Variants in EIF5B observed in about 807,000 individuals in gnomAD.
EIF5B encodes the protein eIF-5B.
A neutral mutation model predicts 147.5 loss-of-function variants in EIF5B; 47 were observed. That is an observed-to-expected ratio of 0.32 (90% CI 0.25 to 0.41). The LOEUF is 0.41. EIF5B is among the 10% of genes least tolerant of loss of function. EIF5B has a pLI of 1.00. For synonymous variants in EIF5B, 455 were observed against 456.2 expected, an observed-to-expected ratio of 1.00 and a Z score of 0.03; for missense variants, 1,064 against 1,413.2, an observed-to-expected ratio of 0.75 and a Z score of 3.96.
At chr2:99,382,247 T>A in intron 13 of EIF5B, 21 bp downstream of exon 13, 1 of 1,605,720 alleles carries the variant, frequency 6.2e-7, no homozygotes, top group South Asian at 1.1e-5. Flanking sequence ...TTTGAGTCTT[T>A]TCTCATCAAG....
At position 99,337,414 on chromosome 2, in the gene EIF5B, C is replaced by A. The variant is rs1483407429; in HGVS notation, c.-141C>A. The A allele has an allele frequency of 2.9e-6, 3 of 1,019,924 alleles. No homozygotes were observed. The highest frequency in any genetic ancestry group is 3.0e-6 in the Non-Finnish European group (2 of 666,242). 63.2% of individuals were successfully genotyped at this position (1,019,924 alleles called of 1,614,324 possible). A position where few individuals can be genotyped will look rare whatever the true frequency, so the allele number is the denominator to read the frequency against. Reference sequence around the variant, plus strand: ...ACACCATATGTGTCCTGTTCCAGTGCGCGGGTCTGTGGAGAGCCGGGTGCG... The same window carrying A: ...ACACCATATGTGTCCTGTTCCAGTGAGCGGGTCTGTGGAGAGCCGGGTGCG... On this transcript the variant is annotated 5_prime_UTR_variant, in exon 1 of 24. Transcript: ENST00000289371.
Position 99,339,006 on chromosome 2 carries a change from A to AAATATATATATATATATACAT in EIF5B, c.35+1417_35+1418insAATATATATATATATATACAT, listed in dbSNP as rs1559240279. Among the ~76,000 whole-genome samples, 320 of 137,168 alleles carry AAATATATATATATATATACAT rather than the reference A, an allele frequency of 2.3e-3. 3 individuals carry two copies. The highest frequency in any genetic ancestry group is 3.8e-3 in the Middle Eastern group (1 of 262). The allele number at this position is 137,168 out of a possible 152,430, so 90.0% of individuals were successfully genotyped here. ...AATATATACACAAATATATATATACATTTTTTTTTTTTTTTTGAGACGGAG... is the reference window on the plus strand; with the variant it reads ...AATATATACACAAATATATATATACAAATATATATATATATATACATTTTTTTTTTTTTTTTTGAGACGGAG... On this transcript the variant is annotated intron_variant, in intron 1 of 23. Coordinates refer to ENST00000289371, the MANE Select transcript of EIF5B (RefSeq NM_015904.4).
rs1290260824 is a variant in EIF5B at position 99,338,920 on chromosome 2, G to GTATATATATATATATA, written c.35+1332_35+1333insATATATATATATATAT. Among the ~76,000 whole-genome samples, 4 of 42,868 alleles carry GTATATATATATATATA rather than the reference G, an allele frequency of 9.3e-5. No homozygotes were observed. In the Admixed American group the frequency reaches 1.9e-3, roughly 20 times the overall value. The allele number at this position is 42,868 out of a possible 152,430, so 28.1% of individuals were successfully genotyped here. On this transcript the variant is annotated intron_variant, in intron 1 of 23. Coordinates refer to ENST00000289371, the MANE Select transcript of EIF5B (RefSeq NM_015904.4). ...GTTTCATCCCACCTACTAGAAGTGT[G>GTATATATATATATATA]TGTATATATATATATATACAAATAT...
At position 99,361,606 on chromosome 2, in the gene EIF5B, G is replaced by C; in HGVS notation, c.705G>C (p.Lys235Asn). Reference sequence around the variant, plus strand: ...CAGTGGCCCAAAAGAAGGCAGAAAAGAAGGAGCGCGAGAGAAAAAAGCGAG... The same window carrying C: ...CAGTGGCCCAAAAGAAGGCAGAAAACAAGGAGCGCGAGAGAAAAAAGCGAG... ...IKTVAQKKAE[K>N]KERERKKRDE... The change falls in exon 4 of 24, where the codon AAG becomes AAC. Residue 235 changes from lysine to asparagine, a missense_variant. Lys to Asn is a moderately conservative substitution (Grantham distance 94). Coordinates refer to ENST00000289371, the MANE Select transcript of EIF5B (RefSeq NM_015904.4). 1.3e-6 allele frequency: 2 copies of C among 1,599,398 alleles called. No individual in the cohort carries two copies. The highest frequency in any genetic ancestry group is 1.7e-6 in the Non-Finnish European group (2 of 1,176,626).
intron 16 of EIF5B, 66 bp from the exon 17 acceptor site, chr2:99,390,478 A>T: frequency 1.3e-6 from 2 of 1,581,338 alleles, no homozygotes; most frequent in South Asian, 1.2e-5. Context: ...GATATTTACT[A>T]CTTTTAGATT....
chr2:99,384,885 G>A (rs575644385), intron 14 of EIF5B, among the ~76,000 whole-genome samples: 5 of 152,140 alleles, frequency 3.3e-5, no homozygotes, highest in Non-Finnish European at 7.3e-5. Context: ...GTCTCCTTCT[G>A]GTGAGGGTAT....
chr2:99,384,862 T>A (rs1235795672), intron 14 of EIF5B, among the ~76,000 whole-genome samples: 3 of 152,204 alleles, frequency 2.0e-5, no homozygotes, highest in African/African-American at 7.2e-5. Flanking sequence ...AGAAAGTGGT[T>A]TCTTGAGGTG....
At chr2:99,383,259 T>C (rs1173942146) in intron 14 of EIF5B, among the ~76,000 whole-genome samples, 4 of 152,300 alleles carry the variant, frequency 2.6e-5, no homozygotes, top group Non-Finnish European at 2.9e-5. Context: ...GGATAAATGA[T>C]CTTTGTTATT....
Position 99,379,024 on chromosome 2 carries a change from G to A in EIF5B, c.1848G>A (p.Arg616=). The change falls in exon 11 of 24, where the codon CGG becomes CGA. Residue 616 remains arginine (R), a synonymous_variant. Transcript: ENST00000289371. ...TTTTTTTTTTTTATTTCTAGAAACG[G>A]CGACTTGAACATAGTAAAAATGTAA... ...YDKAKRRIEK[R]RLEHSKNVNT... is the part of the protein sequence containing the mutation. 1 of 1,513,236 alleles carries A rather than the reference G, an allele frequency of 6.6e-7. No homozygotes were observed. The highest frequency in any genetic ancestry group is 8.8e-7 in the Non-Finnish European group (1 of 1,134,152). The allele number at this position is 1,513,236 out of a possible 1,614,324, so 93.7% of individuals were successfully genotyped here.
intron 22 of EIF5B, 74 bp from the exon 23 acceptor site, chr2:99,398,674 C>T: frequency 2.1e-6 from 3 of 1,452,566 alleles, no homozygotes; most frequent in South Asian, 2.7e-5. Context: ...GTTCTTACTT[C>T]AGCTATCCAG....
intron 10 of EIF5B, among the ~76,000 whole-genome samples, chr2:99,378,615 A>G (rs942543887): frequency 3.3e-5 from 5 of 152,216 alleles, no homozygotes; most frequent in African/African-American, 1.2e-4. Flanking sequence ...AATTTTTTAA[A>G]ATGTACAAGT....
At chr2:99,360,165 A>G (rs1674178278) in intron 1 of EIF5B, 71 bp from the exon 2 acceptor site, 1 of 1,511,994 alleles carries the variant, frequency 6.6e-7, no homozygotes, top group Non-Finnish European at 8.8e-7. Context: ...GGTTAAAATG[A>G]TAAAATCTAT....
chr2:99,396,413 G>C (rs1041913341), intron 21 of EIF5B, among the ~76,000 whole-genome samples: 1 of 152,164 alleles, frequency 6.6e-6, no homozygotes, highest in Non-Finnish European at 1.5e-5. Context: ...TACTGCCTAG[G>C]TTCTAAGCCC....
At chr2:99,351,883 A>G (rs1055681401) in intron 1 of EIF5B, among the ~76,000 whole-genome samples, 6 of 151,738 alleles carry the variant, frequency 4.0e-5, no homozygotes, top group Non-Finnish European at 8.8e-5. Context: ...TATTTTTAGT[A>G]GGGACGGGAT....
chr2:99,401,238 T>C lies in EIF5B; in HGVS notation c.*1824T>C. 6.3e-7 allele frequency: 1 copy of C among 1,580,260 alleles called. No individual in the cohort carries two copies. Among genetic ancestry groups the C allele is most frequent in the Non-Finnish European group, 8.7e-7 (1 of 1,149,524 alleles). On this transcript the variant is annotated 3_prime_UTR_variant, in exon 24 of 24. Coordinates refer to ENST00000289371, the MANE Select transcript of EIF5B (RefSeq NM_015904.4). ...CAGAGAGCATCAGGCTCTCTGGTAA[T>C]ATTTATGTAACTTTTAATGTGCTTC...
chr2:99,390,831 C>G lies in EIF5B; in HGVS notation c.2748+126C>G, dbSNP rs572615906. On this transcript the variant is annotated intron_variant, in intron 17 of 23. Transcript: ENST00000289371. Reference sequence around the variant, plus strand: ...AGAACACATACATCCCTCGCTCTCCCTTTTATTTTAGTTGTCATCATACAG... The same window carrying G: ...AGAACACATACATCCCTCGCTCTCCGTTTTATTTTAGTTGTCATCATACAG... 6.7e-6 allele frequency: 7 copies of G among 1,049,478 alleles called. No homozygotes were observed. In the African/African-American group the frequency reaches 7.9e-5, roughly 12 times the overall value. The allele number at this position is 1,049,478 out of a possible 1,614,324, so 65.0% of individuals were successfully genotyped here.
At chr2:99,353,511 G>A (rs759774694) in intron 1 of EIF5B, among the ~76,000 whole-genome samples, 6 of 152,188 alleles carry the variant, frequency 3.9e-5, no homozygotes, top group Non-Finnish European at 7.3e-5. Context: ...CAGGTTTGCC[G>A]AGTTTCATTT....
At chr2:99,384,006 G>C (rs761863418) in intron 14 of EIF5B, among the ~76,000 whole-genome samples, 1 of 151,830 alleles carries the variant, frequency 6.6e-6, no homozygotes, top group Non-Finnish European at 1.5e-5. Flanking sequence ...TCAGGAGATC[G>C]AGACCAAGGT....
chr2:99,397,006 G>A, intron 22 of EIF5B, 108 bp downstream of exon 22: 1 of 1,237,820 alleles, frequency 8.1e-7, no homozygotes, highest in Non-Finnish European at 1.1e-6. Flanking sequence ...ACTGTGCTGT[G>A]TATTTAGTGT....
Sources: gnomAD v4.1 joint callset for allele counts (sites outside exome capture counted in the v4.1 genomes callset) on GRCh38, gnomAD v4.1.1 for gene constraint, MANE v1.5 for transcripts, NCBI Gene and HGNC (gene_info 2026-07-23, HGNC 2026-07-21) for gene names.